Variants in SNX8 observed in about 807,000 individuals in gnomAD.
SNX8 encodes sorting nexin-8.
A neutral mutation model predicts 51.6 loss-of-function variants in SNX8; 25 were observed. That is an observed-to-expected ratio of 0.48 (90% CI 0.35 to 0.68). SNX8 has a LOEUF of 0.68. Ranked by LOEUF, SNX8 falls within the 30% of genes least tolerant of loss-of-function variation. SNX8 has a pLI of 0.00. For synonymous variants in SNX8, 324 were observed against 277.0 expected (o/e 1.17, Z -1.68); for missense variants, 695 against 624.0 (o/e 1.11, Z -1.21).
At chr7:2,278,645 CGGACTCACACTACGG>C (rs1562434713) in intron 1 of SNX8, among the ~76,000 whole-genome samples, 9 of 138,632 alleles carry the variant, frequency 6.5e-5, no homozygotes, top group Non-Finnish European at 9.3e-5. Context: ...GAGTCGAAGC[CGGACTCACACTACGG>C]AGTCGACGCC....
intron 1 of SNX8, among the ~76,000 whole-genome samples, chr7:2,280,995 G>A (rs745612207): frequency 6.6e-6 from 1 of 152,028 alleles, no homozygotes; most frequent in East Asian, 1.9e-4. Context: ...GTTTTACCAT[G>A]TTGGCCAGAC....
intron 1 of SNX8, among the ~76,000 whole-genome samples, chr7:2,299,659 C>T (rs982552360): frequency 2.6e-5 from 4 of 152,172 alleles, no homozygotes; most frequent in Admixed American, 2.6e-4. Context: ...AAATGCCACC[C>T]ATGCCTGGTT....
At chr7:2,272,651 C>T (rs1795677462) in intron 3 of SNX8, among the ~76,000 whole-genome samples, 1 of 152,064 alleles carries the variant, frequency 6.6e-6, no homozygotes, top group African/African-American at 2.4e-5. Flanking sequence ...GCTGATATTA[C>T]AGGCGTAAGC....
At chr7:2,343,543 C>T (rs1289043225) in intron 1 of SNX8, among the ~76,000 whole-genome samples, 2 of 151,872 alleles carry the variant, frequency 1.3e-5, no homozygotes, top group Non-Finnish European at 2.9e-5. Flanking sequence ...GGTGTGGTGG[C>T]GTGCACCTGT....
rs760011755 is a variant in SNX8, at chr7:2,271,839, G to C, written c.540+11C>G. The C allele has an allele frequency of 6.3e-7, 1 of 1,596,390 alleles. No individual in the cohort carries two copies. Among genetic ancestry groups the C allele is most frequent in the Admixed American group, 1.8e-5 (1 of 56,482 alleles). On this transcript the variant is annotated intron_variant, in intron 4 of 10. Transcript: ENST00000222990. Reference sequence around the variant, plus strand: ...CCGGGGCCGGGACATGGGCAGGGCAGACACACTCACCGAGCCGCTGAAGGA... The same window carrying C: ...CCGGGGCCGGGACATGGGCAGGGCACACACACTCACCGAGCCGCTGAAGGA...
Position 2,254,977 on chromosome 7 carries a change from A to G in SNX8, c.*79T>C. 1.0e-6 allele frequency: 1 copy of G among 1,002,074 alleles called. No individual in the cohort carries two copies. The allele number at this position is 1,002,074 out of a possible 1,614,324, so 62.1% of individuals were successfully genotyped here. On this transcript the variant is annotated 3_prime_UTR_variant, in exon 11 of 11. Coordinates refer to ENST00000222990, the MANE Select transcript of SNX8 (RefSeq NM_013321.4). ...GTGGCGGGGAGGGGAGCTGCCGTCC[A>G]AAGGGAATTACACCGGGACACACCG...
chr7:2,352,161 C>A (rs2115256262), intron 1 of SNX8, among the ~76,000 whole-genome samples: 1 of 152,164 alleles, frequency 6.6e-6, no homozygotes, highest in East Asian at 2.0e-4. Flanking sequence ...ATCCGCCCAC[C>A]TTGGCCTCCC....
At chr7:2,313,066 T>TTTTGTA (rs1796689895) in intron 1 of SNX8, among the ~76,000 whole-genome samples, 1 of 151,782 alleles carries the variant, frequency 6.6e-6, no homozygotes, top group South Asian at 2.1e-4. Flanking sequence ...CCTGGCTAAT[T>TTTTGTA]TTTTTTGTAT....
chr7:2,329,792 G>A (rs867182606), intron 1 of SNX8, among the ~76,000 whole-genome samples: 1 of 151,856 alleles, frequency 6.6e-6, no homozygotes, highest in Non-Finnish European at 1.5e-5. Flanking sequence ...CCCCAGACCT[G>A]GCCCTAGTCA....
At chr7:2,305,282 T>C (rs559235035) in intron 1 of SNX8, among the ~76,000 whole-genome samples, 1 of 152,318 alleles carries the variant, frequency 6.6e-6, no homozygotes, top group African/African-American at 2.4e-5. Flanking sequence ...ACTTGGGGCA[T>C]GAATACCAAG....
At chr7:2,303,412 T>C (rs903185206) in intron 1 of SNX8, among the ~76,000 whole-genome samples, 3 of 151,196 alleles carry the variant, frequency 2.0e-5, no homozygotes, top group African/African-American at 7.3e-5. Flanking sequence ...TACTGGGAAG[T>C]GAGGAGCCCC....
chr7:2,290,916 T>C (rs1002753737), intron 1 of SNX8, among the ~76,000 whole-genome samples: 1 of 152,348 alleles, frequency 6.6e-6, no homozygotes, highest in East Asian at 1.9e-4. Context: ...CACTGCCGCA[T>C]CGTCAGAACA....
At position 2,269,609 on chromosome 7, in the gene SNX8, G is replaced by T; in HGVS notation, c.571C>A (p.Gln191Lys). ...DVQNKLKESAQCVGDEFLNCK... is the reference protein window; with the variant it reads ...DVQNKLKESAKCVGDEFLNCK... ...TTCAGGAATTCGTCCCCGACGCACTGTGCTGACTCCTTTAACTTGTTCTGC... is the reference window on the plus strand; with the variant it reads ...TTCAGGAATTCGTCCCCGACGCACTTTGCTGACTCCTTTAACTTGTTCTGC... Residue 191 changes from glutamine (Q) to lysine (K), a missense_variant, in exon 5 of 11, where the codon CAG becomes AAG. By Grantham distance (53) the Gln-to-Lys change is moderately conservative. Coordinates refer to ENST00000222990, the MANE Select transcript of SNX8 (RefSeq NM_013321.4). 1.2e-6 allele frequency: 2 copies of T among 1,601,066 alleles called. No homozygotes were observed.
intron 1 of SNX8, among the ~76,000 whole-genome samples, chr7:2,289,852 G>C (rs530252082): frequency 6.6e-6 from 1 of 152,130 alleles, no homozygotes; most frequent in Non-Finnish European, 1.5e-5. Context: ...AGCCATGATC[G>C]AGCCACTACG....
intron 1 of SNX8, among the ~76,000 whole-genome samples, chr7:2,350,637 C>T (rs370999663): frequency 2.0e-5 from 3 of 152,086 alleles, no homozygotes; most frequent in East Asian, 3.9e-4. Flanking sequence ...ACACTCTCCC[C>T]CATCTCTAAA....
chr7:2,352,327 C>T (rs866180729), intron 1 of SNX8, among the ~76,000 whole-genome samples: 1 of 152,158 alleles, frequency 6.6e-6, no homozygotes, highest in Non-Finnish European at 1.5e-5. Context: ...GTAGCCCCCC[C>T]GACCCCCAGT....
chr7:2,298,880 A>G (rs1309084535), intron 1 of SNX8, among the ~76,000 whole-genome samples: 1 of 151,734 alleles, frequency 6.6e-6, no homozygotes, highest in Non-Finnish European at 1.5e-5. Context: ...TTTGGTAGAG[A>G]CAGGGTTTCG....
At chr7:2,260,971 G>C (rs1795321167) in intron 7 of SNX8, among the ~76,000 whole-genome samples, 1 of 152,232 alleles carries the variant, frequency 6.6e-6, no homozygotes, top group South Asian at 2.1e-4. Flanking sequence ...CACCTCATGA[G>C]TGATGCTCAT....
chr7:2,258,915 C>T (rs1273207896), intron 7 of SNX8, among the ~76,000 whole-genome samples: 3 of 152,158 alleles, frequency 2.0e-5, no homozygotes, highest in Non-Finnish European at 4.4e-5. Flanking sequence ...ATGCCCTGCT[C>T]CCAGAGTCAC....
Sources: allele counts gnomAD v4.1 joint callset (sites outside exome capture counted in the v4.1 genomes callset), GRCh38; gene constraint gnomAD v4.1.1; transcripts MANE v1.5; gene names NCBI Gene and HGNC (gene_info 2026-07-23, HGNC 2026-07-21).